DCDC1: variants seen among roughly 807,000 people sequenced by gnomAD.
DCDC1 encodes the protein doublecortin domain-containing protein 1.
In DCDC1, 200 loss-of-function variants were observed where a neutral mutation model predicts 178.3. The ratio of observed to expected loss-of-function variants is 1.12; its 90% CI spans 1.00 to 1.26. DCDC1 has a LOEUF of 1.26. DCDC1 is among the 50% of genes most tolerant of loss of function. The pLI, the probability that DCDC1 is intolerant of heterozygous loss-of-function variation, is 0.00. For synonymous variants in DCDC1, 690 were observed against 604.8 expected (o/e 1.14, Z -2.07); for missense variants, 1,983 against 1,749.2 (o/e 1.13, Z -2.38).
chr11:30,926,885 C>T (rs1565085235), intron 22 of DCDC1, among the ~76,000 whole-genome samples: 1 of 151,956 alleles, frequency 6.6e-6, no homozygotes, highest in Non-Finnish European at 1.5e-5. Context: ...CCACTTGAGG[C>T]CAGGAGTTCA....
At chr11:31,328,426 T>G (rs1949764009) in intron 2 of DCDC1, 140 bp from the exon 3 acceptor site, 1 of 802,524 alleles carries the variant, frequency 1.2e-6, no homozygotes, top group Non-Finnish European at 1.8e-6. Flanking sequence ...GAAATTCCCT[T>G]AGTAATTAAC....
intron 9 of DCDC1, among the ~76,000 whole-genome samples, chr11:31,228,400 G>T (rs1975293106): frequency 6.6e-6 from 1 of 152,052 alleles, no homozygotes; most frequent in Non-Finnish European, 1.5e-5. Context: ...AATTTGTTAG[G>T]CATAGCAAAA....
At chr11:30,897,235 T>C (rs1199731157) in intron 34 of DCDC1, among the ~76,000 whole-genome samples, 1 of 152,218 alleles carries the variant, frequency 6.6e-6, no homozygotes, top group Non-Finnish European at 1.5e-5. Context: ...TGGACATCAC[T>C]GACCAAATAC....
At chr11:31,227,374 C>G (rs1975124723) in intron 9 of DCDC1, among the ~76,000 whole-genome samples, 1 of 151,970 alleles carries the variant, frequency 6.6e-6, no homozygotes, top group African/African-American at 2.4e-5. Flanking sequence ...TTTTAAACAA[C>G]CAGGTCTCAC....
At chr11:30,906,508 C>A (rs1317538567) in intron 30 of DCDC1, 32 bp downstream of exon 30, 2 of 1,574,660 alleles carry the variant, frequency 1.3e-6, no homozygotes, top group Admixed American at 3.6e-5. Context: ...TGTTGCCATA[C>A]ATGCATTAGC....
intron 7 of DCDC1, among the ~76,000 whole-genome samples, chr11:31,285,461 A>G (rs1435615935): frequency 6.6e-6 from 1 of 152,108 alleles, no homozygotes; most frequent in East Asian, 1.9e-4. Context: ...TGAATCTCTT[A>G]AGATACTCTC....
chr11:31,133,597 T>A (rs1962731425), intron 10 of DCDC1, among the ~76,000 whole-genome samples: 1 of 152,238 alleles, frequency 6.6e-6, no homozygotes, highest in African/African-American at 2.4e-5. Flanking sequence ...AACTATCCCT[T>A]GATTTGGAAG....
At chr11:31,130,246 C>T (rs557564308) in intron 10 of DCDC1, among the ~76,000 whole-genome samples, 11 of 152,250 alleles carry the variant, frequency 7.2e-5, no homozygotes, top group African/African-American at 2.6e-4. Flanking sequence ...CCATCTGGCA[C>T]TTAATCAAAG....
At chr11:31,265,182 T>C (rs1024153538) in intron 8 of DCDC1, among the ~76,000 whole-genome samples, 7 of 152,160 alleles carry the variant, frequency 4.6e-5, no homozygotes, top group Admixed American at 4.6e-4. Context: ...AGTAATGCAA[T>C]TTCTCATTTT....
chr11:30,922,636 C>T lies in DCDC1; in HGVS notation c.3000G>A (p.Val1000=), dbSNP rs757597665. 6.5e-6 allele frequency: 10 copies of T among 1,540,338 alleles called. No individual in the cohort carries two copies. Among genetic ancestry groups the T allele is most frequent in the South Asian group, 3.8e-5 (3 of 78,102 alleles). Residue 1000 remains valine, a splice_region_variant and synonymous_variant, in exon 24 of 39, where the codon GTG becomes GTA. Transcript: ENST00000684477. ...ALKDLQRDEL[V]YVSCGELWIN... ...TCCAGAGTTCTCCACATGAAACATA[C>T]ACCTATCAAACAAAGCATCTCTTAT...
intron 22 of DCDC1, among the ~76,000 whole-genome samples, chr11:30,926,959 C>G (rs1946627356): frequency 6.6e-6 from 1 of 152,066 alleles, no homozygotes; most frequent in Non-Finnish European, 1.5e-5. Context: ...CCTCCCAGAT[C>G]CACAGTCAGC....
chr11:30,924,917 C>G (rs901457278), intron 23 of DCDC1, among the ~76,000 whole-genome samples: 9 of 151,814 alleles, frequency 5.9e-5, no homozygotes, highest in African/African-American at 2.2e-4. Context: ...ACCGAAAATA[C>G]AAAAAATCAG....
chr11:31,127,978 A>T (rs1405386443), intron 10 of DCDC1, among the ~76,000 whole-genome samples: 1 of 152,162 alleles, frequency 6.6e-6, no homozygotes, highest in Non-Finnish European at 1.5e-5. Flanking sequence ...CCCTCCTAGG[A>T]CTTTAAATAA....
chr11:30,893,000 G>T lies in DCDC1; in HGVS notation c.4903-3C>A, dbSNP rs776033574. ...TCTTGGATTTCAGAAAGGTGTGCCT[G>T]TCAAGAAAAGCCCAGAGAATGTTGT... On this transcript the variant is annotated splice_region_variant and splice_polypyrimidine_tract_variant and intron_variant, in intron 35 of 38. Coordinates refer to ENST00000684477, the MANE Select transcript of DCDC1 (RefSeq NM_001387274.1). 1.2e-6 allele frequency: 2 copies of T among 1,613,490 alleles called. No individual in the cohort carries two copies. The highest frequency in any genetic ancestry group is 1.7e-6 in the Non-Finnish European group (2 of 1,179,718).
chr11:31,271,619 A>G (rs1258099592), intron 7 of DCDC1, among the ~76,000 whole-genome samples: 1 of 152,204 alleles, frequency 6.6e-6, no homozygotes, highest in Non-Finnish European at 1.5e-5. Context: ...TACTCTATTG[A>G]CAAATTCAAA....
intron 3 of DCDC1, among the ~76,000 whole-genome samples, chr11:31,326,114 G>C (rs552458065): frequency 5.3e-5 from 8 of 152,058 alleles, no homozygotes; most frequent in African/African-American, 1.9e-4. Context: ...TCATTTTCTT[G>C]GTTTATCATA....
chr11:30,910,845 A>C (rs1479786269), intron 28 of DCDC1, among the ~76,000 whole-genome samples: 1 of 152,224 alleles, frequency 6.6e-6, no homozygotes, highest in East Asian at 1.9e-4. Flanking sequence ...AGAGAATTTC[A>C]AATGGGTTGT....
intron 1 of DCDC1, among the ~76,000 whole-genome samples, chr11:31,357,627 A>C (rs902974547): frequency 1.3e-5 from 2 of 152,142 alleles, no homozygotes; most frequent in Admixed American, 1.3e-4. Context: ...GTATTCAATT[A>C]GGAAAAGAGG....
intron 9 of DCDC1, among the ~76,000 whole-genome samples, chr11:31,240,042 CA>C (rs1339149690): frequency 2.0e-5 from 3 of 151,734 alleles, no homozygotes; most frequent in African/African-American, 7.3e-5. Flanking sequence ...TTTATTTAAA[CA>C]GTGCTTTTCC....
Sources: gnomAD v4.1 joint callset for allele counts (sites outside exome capture counted in the v4.1 genomes callset) on GRCh38, gnomAD v4.1.1 for gene constraint, MANE v1.5 for transcripts, NCBI Gene and HGNC (gene_info 2026-07-23, HGNC 2026-07-21) for gene names.